NPAS2: variants seen among roughly 807,000 people sequenced by gnomAD.
NPAS2 encodes neuronal PAS domain protein 2, also known as neuronal PAS domain-containing protein 2.
In NPAS2, 23 loss-of-function variants were observed where a neutral mutation model predicts 107.5. The observed-to-expected ratio is 0.21, with a 90% CI of 0.15 to 0.30. NPAS2 has a LOEUF of 0.30. Among genes scored for constraint, NPAS2 ranks in the 10% least tolerant of loss-of-function variants. The pLI, the probability that NPAS2 is intolerant of heterozygous loss-of-function variation, is 1.00. For missense variants in NPAS2, 756 were observed against 1,043.3 expected (o/e 0.72, Z 3.79); for synonymous variants, 403 against 417.5 (o/e 0.97, Z 0.42).
At chr2:100,824,517 C>T (rs1248398125) in intron 1 of NPAS2, among the ~76,000 whole-genome samples, 1 of 152,200 alleles carries the variant, frequency 6.6e-6, no homozygotes. Flanking sequence ...TGTGGTGGGT[C>T]ACTTTCCAGG....
Position 100,995,387 on chromosome 2 carries a change from C to CT in NPAS2, c.2293-5dup, listed in dbSNP as rs758270806. On this transcript the variant is annotated splice_polypyrimidine_tract_variant and intron_variant, in intron 20 of 20. Transcript: ENST00000335681. The stretch of plus-strand genomic sequence containing the variant: ...AGAACCACCTCTGAAGCCCTTTGTT[C>CT]TTTTTTTTCTAGGTACAGGCACCAA... 15 of 1,605,156 alleles carry CT rather than the reference C, an allele frequency of 9.3e-6. No individual in the cohort carries two copies. Among genetic ancestry groups the CT allele is most frequent in the South Asian group, 4.4e-5 (4 of 89,936 alleles).
Position 100,982,296 on chromosome 2 carries a change from G to A in NPAS2, c.1548G>A (p.Leu516=), listed in dbSNP as rs760955801. The A allele has an allele frequency of 2.5e-6, 4 of 1,614,078 alleles. No homozygotes were observed. In the East Asian group the frequency reaches 8.9e-5, roughly 36 times the overall value. The change falls in exon 16 of 21, where the codon CTG becomes CTA. Residue 516 remains leucine (L), a synonymous_variant. Transcript: ENST00000335681. ...AGCTAGAGCAGCGGACGCGGATCCTGCAGGCCAATATCCGGTGGCAACAGG... is the reference window on the plus strand; with the variant it reads ...AGCTAGAGCAGCGGACGCGGATCCTACAGGCCAATATCCGGTGGCAACAGG... The part of the protein sequence containing the change: ...KDQLEQRTRI[L]QANIRWQQEE...
intron 2 of NPAS2, among the ~76,000 whole-genome samples, chr2:100,924,643 G>A (rs1268699992): frequency 1.3e-5 from 2 of 152,226 alleles, no homozygotes; most frequent in Non-Finnish European, 2.9e-5. Flanking sequence ...GGCAGGGTGT[G>A]TCTTGCCTCC....
chr2:100,964,076 A>G lies in NPAS2; in HGVS notation c.617A>G (p.Asn206Ser). ...CCCCCAGTGCCTAGCCCCTCCTGTA[A>G]TGGTTTTGACAACACCCTTTCAAGA... ...SYNNVPSPSC[N>S]GFDNTLSRPC... The change falls in exon 8 of 21, where the codon AAT (asparagine) becomes AGT (serine). Residue 206 changes from asparagine (N) to serine (S), a missense_variant. Asn to Ser is a conservative substitution (Grantham distance 46). This residue lies in a region of NPAS2 where 30 missense variants were observed against 23.8 expected (regional missense o/e 1.26). Coordinates refer to ENST00000335681, the MANE Select transcript of NPAS2 (RefSeq NM_002518.4). 9 of 1,613,600 alleles carry G rather than the reference A, an allele frequency of 5.6e-6. No homozygotes were observed. Among genetic ancestry groups the G allele is most frequent in the Non-Finnish European group, 7.6e-6 (9 of 1,179,586 alleles).
upstream of NPAS2, among the ~76,000 whole-genome samples, chr2:100,819,170 G>A (rs1675897732): frequency 6.6e-6 from 1 of 151,656 alleles, no homozygotes; most frequent in Admixed American, 6.6e-5. The surrounding 1 kb of genome is among the most constrained non-coding windows in gnomAD (Gnocchi z 5.8). Flanking sequence ...AAAAGGTCAC[G>A]TATGTTTGGA....
intron 16 of NPAS2, chr2:100,982,727 T>C (rs533501344): frequency 4.3e-6 from 1 of 235,254 alleles, no homozygotes; most frequent in Admixed American, 5.4e-5. Flanking sequence ...TCTATAACTT[T>C]GCTTTCCTAG....
chr2:100,964,964 AT>A, intron 9 of NPAS2, 21 bp downstream of exon 9: 5 of 1,514,390 alleles, frequency 3.3e-6, no homozygotes, highest in Non-Finnish European at 4.4e-6. Context: ...AGAAAAACAT[AT>A]TTGGGTTGGG....
intron 4 of NPAS2, among the ~76,000 whole-genome samples, chr2:100,935,662 G>A (rs1424692957): frequency 6.6e-6 from 1 of 152,186 alleles, no homozygotes; most frequent in African/African-American, 2.4e-5. Flanking sequence ...CACTGTGCAA[G>A]ACGATTTGCA....
At chr2:100,979,961 C>A (rs889670655) in intron 15 of NPAS2, among the ~76,000 whole-genome samples, 8 of 152,212 alleles carry the variant, frequency 5.3e-5, no homozygotes, top group African/African-American at 1.4e-4. Context: ...ACTCCCCTCA[C>A]CCTTCAGGGA....
chr2:100,921,929 A>C (rs1218764301), intron 2 of NPAS2, among the ~76,000 whole-genome samples: 1 of 152,194 alleles, frequency 6.6e-6, no homozygotes, highest in Non-Finnish European at 1.5e-5. Context: ...AATGAACCAG[A>C]TGTTGTGGCA....
intron 5 of NPAS2, among the ~76,000 whole-genome samples, chr2:100,942,451 G>A (rs1179428337): frequency 6.6e-6 from 1 of 152,036 alleles, no homozygotes; most frequent in Non-Finnish European, 1.5e-5. Context: ...CTGGGTCGGA[G>A]CAGAGCCCTG....
chr2:100,973,013 C>G (rs1235033411), intron 12 of NPAS2, among the ~76,000 whole-genome samples: 2 of 151,966 alleles, frequency 1.3e-5, no homozygotes, highest in Non-Finnish European at 2.9e-5. Flanking sequence ...ACCCCGTCTC[C>G]ACTAAAAATA....
chr2:100,945,856 C>T (rs1674861012), intron 5 of NPAS2, among the ~76,000 whole-genome samples: 1 of 152,192 alleles, frequency 6.6e-6, no homozygotes, highest in African/African-American at 2.4e-5. Context: ...ATTGTGGAGG[C>T]AGCACACCAT....
chr2:100,983,912 G>A (rs984177261), intron 16 of NPAS2: 2 of 152,226 alleles, frequency 1.3e-5, no homozygotes, highest in African/African-American at 4.8e-5. Flanking sequence ...GCCAGAAACT[G>A]CTAAAATTGA....
At chr2:100,819,539 G>C (rs927357646), upstream of NPAS2, among the ~76,000 whole-genome samples, 2 of 152,058 alleles carry the variant, frequency 1.3e-5, no homozygotes, top group Admixed American at 6.5e-5. This position sits in a 1 kb window ranked among gnomAD's most constrained non-coding sequence, Gnocchi z 5.8. Flanking sequence ...GCAGAGACGC[G>C]CTTTGTGCCC....
intron 17 of NPAS2, chr2:100,988,556 T>C (rs920461057): frequency 1.1e-5 from 5 of 441,922 alleles, no homozygotes; most frequent in African/African-American, 7.9e-5. Context: ...ATGTTCACCT[T>C]TGATGCTGAC....
chr2:100,943,581 A>G (rs1370141248), intron 5 of NPAS2, among the ~76,000 whole-genome samples: 1 of 152,234 alleles, frequency 6.6e-6, no homozygotes, highest in African/African-American at 2.4e-5. Context: ...AGGACCACAC[A>G]GGGCCACAGG....
chr2:100,904,839 T>C (rs1254834714), intron 2 of NPAS2, 53 bp downstream of exon 2: 1 of 1,358,416 alleles, frequency 7.4e-7, no homozygotes, highest in African/African-American at 1.5e-5. Flanking sequence ...CCCGGGGGTC[T>C]GCCTGGCAGA....
intron 4 of NPAS2, among the ~76,000 whole-genome samples, chr2:100,934,522 A>G (rs909470770): frequency 1.3e-5 from 2 of 152,102 alleles, no homozygotes; most frequent in African/African-American, 2.4e-5. Flanking sequence ...GCCGGTGGAA[A>G]GGAAATCATG....
Sources: gnomAD v4.1 joint callset for allele counts (sites outside exome capture counted in the v4.1 genomes callset) on GRCh38, gnomAD v4.1.1 for gene constraint, gnomAD v4.1.1 regional missense constraint, Gnocchi (gnomAD v3.1) non-coding constraint, MANE v1.5 for transcripts, NCBI Gene and HGNC (gene_info 2026-07-23, HGNC 2026-07-21) for gene names.